ZNRF1: variants seen among roughly 807,000 people sequenced by gnomAD.
ZNRF1 encodes zinc and ring finger 1, also known as E3 ubiquitin-protein ligase ZNRF1.
A neutral mutation model predicts 18.4 loss-of-function variants in ZNRF1; 3 were observed. That is an observed-to-expected ratio of 0.16 (90% CI 0.07 to 0.42). The LOEUF (loss-of-function observed/expected upper bound fraction) is 0.42. Ranked by LOEUF, ZNRF1 falls within the 10% of genes least tolerant of loss-of-function variation. ZNRF1 has a pLI of 0.99. For synonymous variants in ZNRF1, 157 were observed against 144.2 expected (o/e 1.09, Z -0.64); for missense variants, 310 against 329.8 (o/e 0.94, Z 0.47).
rs2036340408 is a variant in ZNRF1, at chr16:75,108,226, T to G, written c.*526T>G. On this transcript the variant is annotated 3_prime_UTR_variant, in exon 5 of 5. Transcript: ENST00000335325. ...CTTCTCTACTTTGGGTTTGTTTGGT[T>G]TTTTCCCTCTATTTTTCTGGCTGGT... is the stretch of plus-strand genomic sequence containing the variant. The G allele has an allele frequency of 2.1e-5, 4 of 190,404 alleles. No homozygotes were observed. In the South Asian group the frequency reaches 6.5e-4, roughly 31 times the overall value. The allele number at this position is 190,404 out of a possible 1,614,324, so 11.8% of individuals were successfully genotyped here.
At chr16:75,052,976 G>T (rs908049189) in intron 1 of ZNRF1, among the ~76,000 whole-genome samples, 1 of 152,212 alleles carries the variant, frequency 6.6e-6, no homozygotes, top group African/African-American at 2.4e-5. Context: ...TGCCACTGGG[G>T]ACATGATGTG....
chr16:75,017,941 T>C (rs1405296943), intron 1 of ZNRF1, among the ~76,000 whole-genome samples: 7 of 152,200 alleles, frequency 4.6e-5, no homozygotes, highest in Non-Finnish European at 1.0e-4. Context: ...CCAGACTGTC[T>C]TTGGTGTGAA....
chr16:75,053,327 G>A (rs2035628923), intron 1 of ZNRF1, among the ~76,000 whole-genome samples: 1 of 152,162 alleles, frequency 6.6e-6, no homozygotes, highest in Non-Finnish European at 1.5e-5. Flanking sequence ...AGTGGCTCAT[G>A]CCTGTAATCC....
intron 1 of ZNRF1, among the ~76,000 whole-genome samples, chr16:75,009,507 G>A (rs748667142): frequency 6.6e-6 from 1 of 152,102 alleles, no homozygotes; most frequent in African/African-American, 2.4e-5. Flanking sequence ...TGTCTACCAC[G>A]TTTTACTTTT....
chr16:75,104,138 T>A (rs1342317038), intron 2 of ZNRF1: 1 of 152,364 alleles, frequency 6.6e-6, no homozygotes, highest in Non-Finnish European at 1.5e-5. Flanking sequence ...CAATAGGTGG[T>A]TTCTTTTACT....
chr16:75,101,996 C>T (rs1299919467), intron 2 of ZNRF1, among the ~76,000 whole-genome samples: 1 of 152,204 alleles, frequency 6.6e-6, no homozygotes, highest in Non-Finnish European at 1.5e-5. Flanking sequence ...CTCGGGCTAG[C>T]CAGATGTTCT....
Position 75,010,929 on chromosome 16 carries a change from G to C in ZNRF1, c.424+10834G>C, listed in dbSNP as rs567946564. The stretch of plus-strand genomic sequence containing the variant: ...TTCGCCAATTGGCCAGGCTGGTCTT[G>C]AACTCCTGACCTCAAGTGATCCGCC... On this transcript the variant is annotated intron_variant, in intron 1 of 4. Transcript: ENST00000335325. Among the ~76,000 whole-genome samples the C allele has an allele frequency of 2.3e-3, 343 of 152,120 alleles. 1 individual carries two copies. The highest frequency in any genetic ancestry group is 4.3e-3 in the Non-Finnish European group (292 of 67,974).
intron 2 of ZNRF1, among the ~76,000 whole-genome samples, chr16:75,098,825 C>G (rs1461360974): frequency 6.6e-6 from 1 of 152,252 alleles, no homozygotes; most frequent in Non-Finnish European, 1.5e-5. Flanking sequence ...GGCTTTCCCT[C>G]CCAGCCAGGT....
At chr16:75,003,591 A>G (rs972973516) in intron 1 of ZNRF1, among the ~76,000 whole-genome samples, 26 of 152,198 alleles carry the variant, frequency 1.7e-4, no homozygotes, top group African/African-American at 5.8e-4. Flanking sequence ...ATTGGAATGC[A>G]GGTTGGCTGG....
At chr16:75,019,535 T>A (rs2035117025) in intron 1 of ZNRF1, among the ~76,000 whole-genome samples, 1 of 152,200 alleles carries the variant, frequency 6.6e-6, no homozygotes, top group Admixed American at 6.5e-5. Context: ...ACAGTCAGTT[T>A]TCATAAATAT....
intron 2 of ZNRF1, among the ~76,000 whole-genome samples, chr16:75,094,757 G>A (rs1196744842): frequency 2.0e-5 from 3 of 152,078 alleles, no homozygotes; most frequent in Admixed American, 6.6e-5. Context: ...GCTGACCCTC[G>A]ATTTTCCATG....
intron 2 of ZNRF1, among the ~76,000 whole-genome samples, chr16:75,097,100 T>A (rs1240357520): frequency 1.3e-5 from 2 of 152,142 alleles, no homozygotes; most frequent in Non-Finnish European, 2.9e-5. Context: ...GTAAGATGGA[T>A]CAACCCGAAT....
intron 1 of ZNRF1, among the ~76,000 whole-genome samples, chr16:75,036,985 G>A (rs1441997111): frequency 6.6e-6 from 1 of 152,162 alleles, no homozygotes; most frequent in African/African-American, 2.4e-5. Flanking sequence ...TTGTGTGCCT[G>A]TTCTGTGCCA....
intron 1 of ZNRF1, among the ~76,000 whole-genome samples, chr16:75,064,335 C>T (rs1307846289): frequency 1.3e-5 from 2 of 151,664 alleles, no homozygotes. Flanking sequence ...AACAAGAAAA[C>T]TCCTGAGGTC....
At chr16:75,009,365 A>C (rs1051735986) in intron 1 of ZNRF1, among the ~76,000 whole-genome samples, 1 of 152,198 alleles carries the variant, frequency 6.6e-6, no homozygotes, top group African/African-American at 2.4e-5. Context: ...ACTGCATGTA[A>C]GTGGACTCGT....
intron 1 of ZNRF1, among the ~76,000 whole-genome samples, chr16:75,085,971 TG>T (rs1174670613): frequency 3.3e-5 from 5 of 152,000 alleles, no homozygotes; most frequent in Non-Finnish European, 4.4e-5. Flanking sequence ...TTTGAAGGCC[TG>T]AGAACCAGGA....
intron 2 of ZNRF1, among the ~76,000 whole-genome samples, chr16:75,102,988 C>A (rs12599058): frequency 0.86 from 130,005 of 152,044 alleles, 56,375 homozygotes; most frequent in Non-Finnish European, 0.93. Context: ...ATCCATCCTC[C>A]ACCTTCTCCA....
At chr16:75,047,503 C>T (rs141409881) in intron 1 of ZNRF1, among the ~76,000 whole-genome samples, 4 of 152,328 alleles carry the variant, frequency 2.6e-5, no homozygotes, top group African/African-American at 9.6e-5. Flanking sequence ...TAACTTGATT[C>T]CACGTTTCCG....
intron 1 of ZNRF1, among the ~76,000 whole-genome samples, chr16:75,022,691 G>A (rs2035169436): frequency 6.6e-6 from 1 of 152,190 alleles, no homozygotes; most frequent in Non-Finnish European, 1.5e-5. Context: ...TCAGTGCTCG[G>A]TAACCACAAA....
Sources: gnomAD v4.1 joint callset for allele counts (sites outside exome capture counted in the v4.1 genomes callset) on GRCh38, gnomAD v4.1.1 for gene constraint, MANE v1.5 for transcripts, NCBI Gene and HGNC (gene_info 2026-07-23, HGNC 2026-07-21) for gene names.